Variants in SRGAP2C observed in about 807,000 individuals in gnomAD.
The protein encoded by SRGAP2C is SLIT-ROBO Rho GTPase activating protein 2C.
Under a neutral mutation model 25.1 loss-of-function variants are expected in SRGAP2C, and 15 were observed. The observed-to-expected ratio is 0.60, with a 90% CI of 0.40 to 0.92. The LOEUF (loss-of-function observed/expected upper bound fraction) is 0.92, where lower values mean the gene tolerates loss of function less well. SRGAP2C is among the 40% of genes least tolerant of loss of function. SRGAP2C has a pLI of 0.00. For synonymous variants in SRGAP2C, 44 were observed against 96.6 expected (o/e 0.46, Z 3.19); for missense variants, 144 against 264.4 (o/e 0.54, Z 3.16).
chr1:121,320,557 AACAATGAG>A (rs1658178366), intron 3 of SRGAP2C, among the ~76,000 whole-genome samples: 13 of 130,924 alleles, frequency 9.9e-5, no homozygotes, highest in African/African-American at 3.5e-4. Context: ...AGTCAATGAG[AACAATGAG>A]GCTGTTTTTA....
At position 121,391,475 on chromosome 1, in the gene SRGAP2C, G is replaced by A. The variant is rs1465220118; in HGVS notation, c.*3620G>A. 6.6e-6 allele frequency: 1 copy of A among 152,254 alleles called. No homozygotes were observed. The allele number at this position is 152,254 out of a possible 1,614,324, so 9.4% of individuals were successfully genotyped here. A position where few individuals can be genotyped will look rare whatever the true frequency, so the allele number is the denominator to read the frequency against. ...GCATGGCCTACAGACATATTTTGCT[G>A]GACAATGATTACTTGCTTTTCTTTT... On this transcript the variant is annotated 3_prime_UTR_variant, in exon 10 of 10. Transcript: ENST00000367123.
At chr1:121,287,861 C>T (rs1157440342) in intron 3 of SRGAP2C, among the ~76,000 whole-genome samples, 29 of 151,730 alleles carry the variant, frequency 1.9e-4, no homozygotes, top group South Asian at 1.5e-3. Flanking sequence ...CTTAAGGCAG[C>T]GCGTCTGGAG....
chr1:121,249,562 ATATATATATATATATATAT>A (rs1163794653), intron 2 of SRGAP2C, among the ~76,000 whole-genome samples: 1 of 29,986 alleles, frequency 3.3e-5, no homozygotes, highest in African/African-American at 1.4e-4. Flanking sequence ...ATATATATAT[ATATATATATATATATATAT>A]TTTTTTTTTT....
intron 3 of SRGAP2C, among the ~76,000 whole-genome samples, chr1:121,297,112 CTCCATGGCTCA>C (rs1657615671): frequency 6.6e-6 from 1 of 151,746 alleles, no homozygotes; most frequent in African/African-American, 2.4e-5. Context: ...GGCTTCCCTT[CTCCATGGCTCA>C]AGATGCCTTT....
At chr1:121,271,066 G>A (rs1409394674) in intron 2 of SRGAP2C, among the ~76,000 whole-genome samples, 2 of 151,348 alleles carry the variant, frequency 1.3e-5, no homozygotes, top group East Asian at 3.9e-4. Flanking sequence ...CAAAGTGCTG[G>A]GATTATAGGC....
chr1:121,184,989 T>G lies in SRGAP2C; in HGVS notation c.-678T>G, dbSNP rs1330992358. The G allele has an allele frequency of 1.4e-4, 71 of 500,932 alleles. 1 individual carries two copies. Among genetic ancestry groups the G allele is most frequent in the Non-Finnish European group, 2.1e-4 (59 of 286,658 alleles). The allele number at this position is 500,932 out of a possible 1,614,324, so 31.0% of individuals were successfully genotyped here. ...TACTTCCCGGCGGGGTCCTGCGGAGTTGGCGGAGGCGGCGGAGGCTCCTCC... is the reference window on the plus strand; with the variant it reads ...TACTTCCCGGCGGGGTCCTGCGGAGGTGGCGGAGGCGGCGGAGGCTCCTCC... On this transcript the variant is annotated 5_prime_UTR_variant, in exon 1 of 10. Transcript: ENST00000367123.
intron 3 of SRGAP2C, among the ~76,000 whole-genome samples, chr1:121,286,651 C>G (rs1376837231): frequency 6.6e-6 from 1 of 152,252 alleles, no homozygotes; most frequent in South Asian, 2.1e-4. Flanking sequence ...TCCAGTCCTA[C>G]TATAACAAGA....
At chr1:121,281,106 G>T (rs1227258013) in intron 2 of SRGAP2C, among the ~76,000 whole-genome samples, 2 of 151,184 alleles carry the variant, frequency 1.3e-5, no homozygotes, top group East Asian at 3.9e-4. Context: ...CGGGGACTGG[G>T]GCCAGCATAG....
chr1:121,222,565 G>A (rs1165830875), intron 2 of SRGAP2C, among the ~76,000 whole-genome samples: 5 of 152,142 alleles, frequency 3.3e-5, no homozygotes, highest in Non-Finnish European at 7.3e-5. Flanking sequence ...GAAGGTCGAG[G>A]CTACGGTGCT....
chr1:121,292,154 C>A (rs1377187246), intron 3 of SRGAP2C, among the ~76,000 whole-genome samples: 2 of 151,966 alleles, frequency 1.3e-5, no homozygotes, highest in African/African-American at 4.8e-5. Context: ...TCATGGCCTG[C>A]CTGCTCAAGT....
chr1:121,354,323 TTTC>T (rs1558125519), intron 4 of SRGAP2C, among the ~76,000 whole-genome samples: 1 of 62,810 alleles, frequency 1.6e-5, no homozygotes, highest in Non-Finnish European at 3.0e-5. Flanking sequence ...TCTTTCTTTC[TTTC>T]TTTTCTTTCT....
chr1:121,356,929 C>T (rs1659076881), intron 4 of SRGAP2C, among the ~76,000 whole-genome samples: 2 of 151,958 alleles, frequency 1.3e-5, no homozygotes, highest in African/African-American at 2.4e-5. Flanking sequence ...TATTATAGGA[C>T]TGTGTTTCAG....
rs1553342617 is a variant in SRGAP2C at position 121,337,578 on chromosome 1, G to A, written c.423+12938G>A. The stretch of plus-strand genomic sequence containing the variant: ...ACCTGGGAGGCAGAGGTTGCAGTGA[G>A]CCAAGATTGTGCCATTGTACTCCAG... On this transcript the variant is annotated intron_variant, in intron 4 of 9. Transcript: ENST00000367123. Among the ~76,000 whole-genome samples the A allele has an allele frequency of 3.9e-3, 596 of 152,022 alleles. 1 individual carries two copies. The highest frequency in any genetic ancestry group is 6.7e-3 in the Non-Finnish European group (456 of 68,006).
Position 121,360,769 on chromosome 1 carries a change from A to G in SRGAP2C, c.424-4524A>G, listed in dbSNP as rs1424979332. On this transcript the variant is annotated intron_variant, in intron 4 of 9. Transcript: ENST00000367123. ...TGCCCCTGAAACCACCACCTTATGT[A>G]TGGTGGTGCTTCTGCTGCCAGAGCT... 5.4e-5 allele frequency: 7 copies of G among 128,594 alleles called. No individual in the cohort carries two copies. The Admixed American group carries it at 5.7e-4, about 10-fold the overall frequency. 8.0% of individuals were successfully genotyped at this position (128,594 alleles called of 1,614,324 possible).
rs1233785284 is a variant in SRGAP2C, at chr1:121,312,654, C to T, written c.261-11824C>T. On this transcript the variant is annotated intron_variant, in intron 3 of 9. Transcript: ENST00000367123. ...TTTTCTCGTTGGTTTCAAAGAACATCTTTATTTCTGCCTTCATTTTGTTAT... is the reference window on the plus strand; with the variant it reads ...TTTTCTCGTTGGTTTCAAAGAACATTTTTATTTCTGCCTTCATTTTGTTAT... Among the ~76,000 whole-genome samples, 78 of 105,474 alleles carry T rather than the reference C, an allele frequency of 7.4e-4. 5 individuals carry two copies. The highest frequency in any genetic ancestry group is 1.5e-3 in the Non-Finnish European group (74 of 49,972). 69.2% of individuals were successfully genotyped at this position (105,474 alleles called of 152,430 possible). A position where few individuals can be genotyped will look rare whatever the true frequency, so the allele number is the denominator to read the frequency against.
chr1:121,190,433 TA>T (rs767619349), intron 2 of SRGAP2C, among the ~76,000 whole-genome samples: 41 of 151,572 alleles, frequency 2.7e-4, no homozygotes, highest in Non-Finnish European at 5.2e-4. Context: ...GGAAAATAGG[TA>T]AAATAAAATA....
At chr1:121,296,004 G>C (rs1553338265) in intron 3 of SRGAP2C, among the ~76,000 whole-genome samples, 5 of 151,554 alleles carry the variant, frequency 3.3e-5, no homozygotes, top group Non-Finnish European at 5.9e-5. Flanking sequence ...CAGGTGATCC[G>C]CACACCTTGG....
chr1:121,349,858 CATTCTT>C (rs1553345228), intron 4 of SRGAP2C, among the ~76,000 whole-genome samples: 1 of 40,902 alleles, frequency 2.4e-5, no homozygotes, highest in East Asian at 6.4e-4. Context: ...AGCATATTTC[CATTCTT>C]ATTAGGTTTC....
chr1:121,239,636 A>G, intron 2 of SRGAP2C, among the ~76,000 whole-genome samples: 1 of 143,242 alleles, frequency 7.0e-6, no homozygotes, highest in South Asian at 2.4e-4. Flanking sequence ...ATTCTAAGCC[A>G]TGGGAAGGAA....
Sources: gnomAD v4.1 joint callset for allele counts (sites outside exome capture counted in the v4.1 genomes callset) on GRCh38, gnomAD v4.1.1 for gene constraint, MANE v1.5 for transcripts, NCBI Gene and HGNC (gene_info 2026-07-23, HGNC 2026-07-21) for gene names.